PELI2: variants seen among roughly 807,000 people sequenced by gnomAD.
PELI2 encodes E3 ubiquitin-protein ligase pellino homolog 2.
PELI2 carries 23 observed loss-of-function variants against 42.3 expected under a neutral mutation model. That is an observed-to-expected ratio of 0.54 (90% CI 0.39 to 0.77). The LOEUF (loss-of-function observed/expected upper bound fraction) is 0.77, where lower values mean the gene tolerates loss of function less well. Ranked by LOEUF, PELI2 falls within the 30% of genes least tolerant of loss-of-function variation. PELI2 has a pLI of 0.00. For synonymous variants in PELI2, 245 were observed against 212.2 expected (o/e 1.15, Z -1.34); for missense variants, 463 against 553.2 (o/e 0.84, Z 1.64).
chr14:56,266,495 A>G (rs951676322), intron 2 of PELI2, among the ~76,000 whole-genome samples: 1 of 152,060 alleles, frequency 6.6e-6, no homozygotes, highest in Non-Finnish European at 1.5e-5. Context: ...CATTCTTAAA[A>G]GCCTTATTCA....
intron 1 of PELI2, among the ~76,000 whole-genome samples, chr14:56,132,505 A>C (rs1419809131): frequency 6.6e-6 from 1 of 152,168 alleles, no homozygotes; most frequent in African/African-American, 2.4e-5. Flanking sequence ...GTAGGCGGAC[A>C]GCCCTGCTGG....
In PELI2 at chr14:56,140,468, T is replaced by C. The variant is rs143180076; in HGVS notation, c.77+21731T>C. Among the ~76,000 whole-genome samples, 232 of 152,238 alleles carry C rather than the reference T, an allele frequency of 1.5e-3. 1 individual carries two copies. The highest frequency in any genetic ancestry group is 5.4e-3 in the African/African-American group (224 of 41,542). ...GTTCTATTTTGCCTTCACAGTGAGG[T>C]CTAAAAAGAAAAGGACATTAAATTT... On this transcript the variant is annotated intron_variant, in intron 1 of 5. Transcript: ENST00000267460.
At chr14:56,263,504 ATAT>A (rs1888797080) in intron 2 of PELI2, among the ~76,000 whole-genome samples, 1 of 152,198 alleles carries the variant, frequency 6.6e-6, no homozygotes, top group Non-Finnish European at 1.5e-5. Flanking sequence ...TAGAATGTAA[ATAT>A]TATTATTCTG....
At position 56,298,796 on chromosome 14, in the gene PELI2, A is replaced by G. The variant is rs1890090962; in HGVS notation, c.*1630A>G. On this transcript the variant is annotated 3_prime_UTR_variant, in exon 6 of 6. Coordinates refer to ENST00000267460, the MANE Select transcript of PELI2 (RefSeq NM_021255.3). ...AGCCTCTCAGTTTTAATATAGCTTTATTTTTCAGTGGAGATCATTGTTTAG... is the reference window on the plus strand; with the variant it reads ...AGCCTCTCAGTTTTAATATAGCTTTGTTTTTCAGTGGAGATCATTGTTTAG... 2 of 152,376 alleles carry G rather than the reference A, an allele frequency of 1.3e-5. No homozygotes were observed. The highest frequency in any genetic ancestry group is 2.9e-5 in the Non-Finnish European group (2 of 67,982). 9.4% of individuals were successfully genotyped at this position (152,376 alleles called of 1,614,324 possible). A position where few individuals can be genotyped will look rare whatever the true frequency, so the allele number is the denominator to read the frequency against.
At chr14:56,239,383 T>C (rs1407464236) in intron 2 of PELI2, among the ~76,000 whole-genome samples, 2 of 152,236 alleles carry the variant, frequency 1.3e-5, no homozygotes, top group East Asian at 1.9e-4. Flanking sequence ...GAATGTCTCC[T>C]AACTTTGACT....
At position 56,178,472 on chromosome 14, in the gene PELI2, G is replaced by A; in HGVS notation, c.207+8G>A. 1 of 1,614,046 alleles carries A rather than the reference G, an allele frequency of 6.2e-7. No homozygotes were observed. Among genetic ancestry groups the A allele is most frequent in the Non-Finnish European group, 8.5e-7 (1 of 1,179,968 alleles). ...ACGCCCCAGGCATCCAAGGTAGGTGGGTCTGTCAAGAGTTGGGAGGGTGCT... is the reference window on the plus strand; with the variant it reads ...ACGCCCCAGGCATCCAAGGTAGGTGAGTCTGTCAAGAGTTGGGAGGGTGCT... On this transcript the variant is annotated splice_region_variant and intron_variant, in intron 2 of 5. Transcript: ENST00000267460.
intron 2 of PELI2, among the ~76,000 whole-genome samples, chr14:56,212,793 G>A (rs751106727): frequency 6.2e-4 from 94 of 152,210 alleles, no homozygotes; most frequent in Non-Finnish European, 1.0e-3. Flanking sequence ...CAGGACAGGG[G>A]ATGTGTTCCA....
chr14:56,252,055 T>C (rs1888365624), intron 2 of PELI2, among the ~76,000 whole-genome samples: 1 of 152,232 alleles, frequency 6.6e-6, no homozygotes, highest in Non-Finnish European at 1.5e-5. Flanking sequence ...CCTAGGATAC[T>C]TGGGAGAATA....
At chr14:56,194,250 C>T (rs1310770301) in intron 2 of PELI2, among the ~76,000 whole-genome samples, 2 of 152,166 alleles carry the variant, frequency 1.3e-5, no homozygotes. Context: ...CCTGCAGGCT[C>T]AGGTGCCCCT....
chr14:56,223,178 A>G (rs1257400738), intron 2 of PELI2, among the ~76,000 whole-genome samples: 1 of 152,164 alleles, frequency 6.6e-6, no homozygotes, highest in Non-Finnish European at 1.5e-5. Context: ...AGCAAATTGC[A>G]CTATTCTCAC....
At chr14:56,290,482 T>C in intron 5 of PELI2, 26 bp downstream of exon 5, 1 of 1,534,136 alleles carries the variant, frequency 6.5e-7, no homozygotes, top group South Asian at 1.2e-5. Flanking sequence ...TCTGCAAGTG[T>C]GAAGTACGAA....
chr14:56,281,414 A>G (rs1033293597), intron 3 of PELI2, among the ~76,000 whole-genome samples: 9 of 152,172 alleles, frequency 5.9e-5, no homozygotes, highest in African/African-American at 2.2e-4. Flanking sequence ...TTTTATATGC[A>G]CACACATAAA....
Position 56,118,579 on chromosome 14 carries a change from T to A in PELI2, c.-82T>A. 1 of 900,878 alleles carries A rather than the reference T, an allele frequency of 1.1e-6. No individual in the cohort carries two copies. Among genetic ancestry groups the A allele is most frequent in the Non-Finnish European group, 1.5e-6 (1 of 663,098 alleles). 55.8% of individuals were successfully genotyped at this position (900,878 alleles called of 1,614,324 possible). A position where few individuals can be genotyped will look rare whatever the true frequency, so the allele number is the denominator to read the frequency against. ...CGCTCACCCCGTTCTCGGGATGGGA[T>A]TGTAGCGGCGGCGCGGACTCGGCGG... On this transcript the variant is annotated 5_prime_UTR_variant, in exon 1 of 6. The change creates a new upstream start codon in the 5' untranslated region. Transcript: ENST00000267460.
chr14:56,250,921 G>A (rs1888322538), intron 2 of PELI2, among the ~76,000 whole-genome samples: 1 of 152,226 alleles, frequency 6.6e-6, no homozygotes, highest in African/African-American at 2.4e-5. Context: ...GGAAGGAGGT[G>A]AGGGAAGCAA....
chr14:56,143,075 T>C (rs78866017), intron 1 of PELI2, among the ~76,000 whole-genome samples: 19,375 of 152,164 alleles, frequency 0.13, 1,448 homozygotes, highest in Middle Eastern at 0.17. Context: ...CAATCCAGTC[T>C]AGTATCTCAC....
intron 2 of PELI2, among the ~76,000 whole-genome samples, chr14:56,227,485 C>T (rs923798662): frequency 4.6e-5 from 7 of 152,140 alleles, no homozygotes; most frequent in Admixed American, 6.5e-5. Flanking sequence ...AAGGAGAAAA[C>T]GAGAATGAAT....
intron 2 of PELI2, among the ~76,000 whole-genome samples, chr14:56,220,396 A>G (rs978186878): frequency 6.6e-6 from 1 of 152,268 alleles, no homozygotes; most frequent in East Asian, 1.9e-4. Flanking sequence ...TTGAAACAAC[A>G]TAGTTATAAA....
chr14:56,233,172 T>TA (rs1245577406), intron 2 of PELI2, among the ~76,000 whole-genome samples: 3 of 152,158 alleles, frequency 2.0e-5, no homozygotes, highest in African/African-American at 7.2e-5. Flanking sequence ...GAAATGGCCA[T>TA]ACTGCCCAAG....
intron 2 of PELI2, among the ~76,000 whole-genome samples, chr14:56,241,105 T>TC (rs35597343): frequency 0.4 from 61,167 of 151,782 alleles, 13,036 homozygotes; most frequent in South Asian, 0.53. Flanking sequence ...GTTTGAGTAT[T>TC]CTTCTCTGAG....
Sources: allele counts gnomAD v4.1 joint callset (sites outside exome capture counted in the v4.1 genomes callset), GRCh38; gene constraint gnomAD v4.1.1; transcripts MANE v1.5; gene names NCBI Gene and HGNC (gene_info 2026-07-23, HGNC 2026-07-21).